TFEC: variants seen among roughly 807,000 people sequenced by gnomAD.
The protein encoded by TFEC is transcription factor EC.
Under a neutral mutation model 41.6 loss-of-function variants are expected in TFEC, and 31 were observed. That is an observed-to-expected ratio of 0.74 (90% confidence interval 0.56 to 1.01). TFEC has a LOEUF of 1.01. Among genes scored for constraint, TFEC ranks in the 50% least tolerant of loss-of-function variants. The probability of loss-of-function intolerance (pLI) is 0.00; values close to 1 mark genes in which losing one functional copy is unlikely to be tolerated. For missense variants in TFEC, 402 were observed against 404.1 expected, an observed-to-expected ratio of 0.99 and a Z score of 0.04; for synonymous variants, 143 against 140.6, an observed-to-expected ratio of 1.02 and a Z score of -0.12.
At chr7:116,132,288 T>C (rs1352809975) in intron 1 of TFEC, among the ~76,000 whole-genome samples, 2 of 152,220 alleles carry the variant, frequency 1.3e-5, no homozygotes, top group East Asian at 3.9e-4. Context: ...TATGGCACTG[T>C]TCAAAAATGC....
intron 2 of TFEC, among the ~76,000 whole-genome samples, chr7:115,974,827 T>G (rs1793310606): frequency 6.6e-6 from 1 of 151,858 alleles, no homozygotes. Context: ...TAATAGGTAA[T>G]AGCAATAGCA....
upstream of TFEC, among the ~76,000 whole-genome samples, chr7:116,032,444 A>G (rs965106593): frequency 2.0e-5 from 3 of 152,172 alleles, no homozygotes; most frequent in African/African-American, 7.2e-5. Context: ...ATGCCCATCA[A>G]TGGTAGACTG....
At chr7:116,106,009 A>G (rs1562970996) in intron 3 of TFEC, among the ~76,000 whole-genome samples, 3 of 152,072 alleles carry the variant, frequency 2.0e-5, no homozygotes, top group Admixed American at 6.6e-5. Context: ...AAAAGGTAGA[A>G]TTTCTACCTC....
At chr7:115,963,867 T>C (rs1792701184) in intron 3 of TFEC, among the ~76,000 whole-genome samples, 1 of 151,662 alleles carries the variant, frequency 6.6e-6, no homozygotes. Flanking sequence ...ATGAATGTAC[T>C]TAATGCCTTT....
At chr7:116,071,945 C>T (rs570435174) in intron 3 of TFEC, among the ~76,000 whole-genome samples, 2 of 151,370 alleles carry the variant, frequency 1.3e-5, no homozygotes, top group East Asian at 3.9e-4. Context: ...ATGTGTATTT[C>T]TCAAAACAGA....
chr7:116,145,496 A>G (rs138990542), intron 1 of TFEC, among the ~76,000 whole-genome samples: 20 of 152,160 alleles, frequency 1.3e-4, no homozygotes, highest in African/African-American at 4.1e-4. Context: ...AAAGACCATA[A>G]CCGTTAGACT....
chr7:116,118,044 T>C (rs1041797846), intron 1 of TFEC, among the ~76,000 whole-genome samples: 2 of 151,908 alleles, frequency 1.3e-5, no homozygotes, highest in African/African-American at 4.8e-5. Flanking sequence ...AAATGATAAC[T>C]ATTTTGCCCC....
intron 1 of TFEC, among the ~76,000 whole-genome samples, chr7:116,021,331 C>G (rs1213072245): frequency 6.6e-6 from 1 of 152,162 alleles, no homozygotes; most frequent in Non-Finnish European, 1.5e-5. Flanking sequence ...TCTGAGAAGT[C>G]ATTTGCTGTT....
chr7:115,969,708 T>TGAAGAA (rs1793044518), intron 3 of TFEC, among the ~76,000 whole-genome samples: 1 of 151,994 alleles, frequency 6.6e-6, no homozygotes, highest in African/African-American at 2.4e-5. Context: ...TTATTCTGGC[T>TGAAGAA]GCTCTGTGAA....
intron 3 of TFEC, among the ~76,000 whole-genome samples, chr7:116,089,178 T>C (rs1313975214): frequency 6.6e-6 from 1 of 152,132 alleles, no homozygotes; most frequent in Admixed American, 6.6e-5. Context: ...CAGAAAAGCA[T>C]AGAATATATC....
chr7:116,089,950 T>A (rs1797287313), intron 3 of TFEC, among the ~76,000 whole-genome samples: 1 of 152,074 alleles, frequency 6.6e-6, no homozygotes, highest in Admixed American at 6.6e-5. Context: ...TCACATAAAT[T>A]CTGTCTTCTG....
intron 1 of TFEC, among the ~76,000 whole-genome samples, chr7:115,993,877 G>A (rs74647908): frequency 0.14 from 20,842 of 152,150 alleles, 1,924 homozygotes; most frequent in Non-Finnish European, 0.21. Flanking sequence ...TATGGAACCA[G>A]AAAAGAGCCC....
intron 1 of TFEC, among the ~76,000 whole-genome samples, chr7:116,134,471 G>A (rs953618743): frequency 6.6e-6 from 1 of 152,106 alleles, no homozygotes; most frequent in Non-Finnish European, 1.5e-5. Flanking sequence ...GCACAGAAAT[G>A]ACCTGTTTTC....
intron 3 of TFEC, among the ~76,000 whole-genome samples, chr7:116,080,268 A>G (rs185987745): frequency 6.6e-6 from 1 of 152,214 alleles, no homozygotes; most frequent in East Asian, 1.9e-4. Flanking sequence ...GCTTAGGCAA[A>G]GACTTCATGA....
At chr7:115,976,442 T>C (rs948088054) in intron 2 of TFEC, among the ~76,000 whole-genome samples, 15 of 152,048 alleles carry the variant, frequency 9.9e-5, no homozygotes, top group African/African-American at 3.6e-4. Flanking sequence ...TAAAAATAAA[T>C]AAGTTACTGA....
At chr7:116,152,870 T>A (rs984060249) in intron 1 of TFEC, among the ~76,000 whole-genome samples, 1 of 151,914 alleles carries the variant, frequency 6.6e-6, no homozygotes, top group African/African-American at 2.4e-5. Flanking sequence ...ATGCAAGAAA[T>A]TAGGAAAATA....
intron 1 of TFEC, among the ~76,000 whole-genome samples, chr7:116,025,303 C>T (rs982035080): frequency 1.3e-5 from 2 of 151,888 alleles, no homozygotes; most frequent in African/African-American, 4.8e-5. Context: ...AGACATTGGC[C>T]CATTGTTATG....
intron 1 of TFEC, among the ~76,000 whole-genome samples, chr7:116,127,135 A>C (rs1798228627): frequency 6.6e-6 from 1 of 150,636 alleles, no homozygotes; most frequent in Admixed American, 6.6e-5. Context: ...TCTGCACTCC[A>C]CCCAGGCTGG....
At chr7:116,156,198 C>CA (rs1484969917) in intron 1 of TFEC, among the ~76,000 whole-genome samples, 1 of 152,042 alleles carries the variant, frequency 6.6e-6, no homozygotes, top group Non-Finnish European at 1.5e-5. Context: ...ATTGGAAAGA[C>CA]AGAAACAGCA....
Sources: allele counts gnomAD v4.1 joint callset (sites outside exome capture counted in the v4.1 genomes callset), GRCh38; gene constraint gnomAD v4.1.1; transcripts MANE v1.5; gene names NCBI Gene and HGNC (gene_info 2026-07-23, HGNC 2026-07-21).